Variants in POLB observed in about 807,000 individuals in gnomAD.
POLB encodes the protein 5'-dRP lyase.
POLB carries 37 observed loss-of-function variants against 52.7 expected under a neutral mutation model. That is an observed-to-expected ratio of 0.70 (90% CI 0.54 to 0.92). The LOEUF (loss-of-function observed/expected upper bound fraction) is 0.92, where lower values mean the gene tolerates loss of function less well. Ranked by LOEUF, POLB falls within the 40% of genes least tolerant of loss-of-function variation. The probability of loss-of-function intolerance (pLI) is 0.00; values close to 1 mark genes in which losing one functional copy is unlikely to be tolerated. For synonymous variants in POLB, 138 were observed against 131.3 expected, an observed-to-expected ratio of 1.05 and a Z score of -0.35; for missense variants, 313 against 400.8, an observed-to-expected ratio of 0.78 and a Z score of 1.87.
intron 3 of POLB, 22 bp from the exon 4 acceptor site, chr8:42,348,994 A>G (rs371770391): frequency 1.4e-6 from 2 of 1,424,520 alleles, no homozygotes; most frequent in Non-Finnish European, 2.0e-6. Context: ...TATGACTTTT[A>G]TATTTCTAAT....
intron 5 of POLB, 71 bp downstream of exon 5, chr8:42,350,136 A>G (rs767746911): frequency 4.3e-5 from 43 of 994,576 alleles, no homozygotes; most frequent in Non-Finnish European, 5.7e-5. Context: ...AGTAAATTAC[A>G]TGCTGTTTCT....
Position 42,348,959 on chromosome 8 carries a change from AGT to A in POLB, c.187-55_187-54del. On this transcript the variant is annotated intron_variant, in intron 3 of 13. Coordinates refer to ENST00000265421, the MANE Select transcript of POLB (RefSeq NM_002690.3). Reference sequence around the variant, plus strand: ...TTTTCTGCTTTTTACTTTATCTTTTAGTGATTTGGTAAGCATTATATTCATAT... The same window carrying A: ...TTTTCTGCTTTTTACTTTATCTTTTAGATTTGGTAAGCATTATATTCATAT... 3 of 890,676 alleles carry A rather than the reference AGT, an allele frequency of 3.4e-6. 1 individual carries two copies. The South Asian group carries it at 4.9e-5, about 14-fold the overall frequency. The allele number at this position is 890,676 out of a possible 1,614,324, so 55.2% of individuals were successfully genotyped here.
rs779394619 is a variant in POLB at position 42,369,309 on chromosome 8, A to G, written c.747A>G (p.Glu249=). Residue 249 remains glutamate, a synonymous_variant, in exon 12 of 14, where the codon GAA becomes GAG. Transcript: ENST00000265421. ...TTCCCAGTAAAAATGATGAAAAAGAATATCCACACAGAAGAATTGATATCA... is the reference window on the plus strand; with the variant it reads ...TTCCCAGTAAAAATGATGAAAAAGAGTATCCACACAGAAGAATTGATATCA... The part of the protein sequence containing the change: ...CQLPSKNDEK[E]YPHRRIDIRL... 1.3e-6 allele frequency: 2 copies of G among 1,592,476 alleles called. No homozygotes were observed. Among genetic ancestry groups the G allele is most frequent in the South Asian group, 2.2e-5 (2 of 90,180 alleles).
At chr8:42,340,149 T>C (rs555268553) in intron 2 of POLB, 5 of 152,344 alleles carry the variant, frequency 3.3e-5, no homozygotes, top group African/African-American at 1.2e-4. Flanking sequence ...TGTGAATATC[T>C]CTTGACTTCT....
At chr8:42,365,914 A>G (rs1824007217) in intron 11 of POLB, among the ~76,000 whole-genome samples, 1 of 152,130 alleles carries the variant, frequency 6.6e-6, no homozygotes, top group Non-Finnish European at 1.5e-5. Context: ...AGCCTGGCCA[A>G]CATGGTGAAA....
At chr8:42,365,252 C>T (rs1219873393) in intron 11 of POLB, among the ~76,000 whole-genome samples, 4 of 152,052 alleles carry the variant, frequency 2.6e-5, no homozygotes, top group Non-Finnish European at 4.4e-5. Flanking sequence ...TGCTTCCAAA[C>T]GAACTTTGGA....
intron 12 of POLB, 96 bp from the exon 13 acceptor site, chr8:42,369,753 C>T (rs1824262785): frequency 1.3e-6 from 1 of 760,738 alleles, no homozygotes; most frequent in South Asian, 2.0e-5. Flanking sequence ...TTAGGCTTAT[C>T]TTTGGTATTT....
At chr8:42,342,294 G>A in intron 2 of POLB, 1 of 1,535,948 alleles carries the variant, frequency 6.5e-7, no homozygotes. Flanking sequence ...TCTTGTCCAT[G>A]CCAAACCTAT....
At chr8:42,363,926 C>CT (rs766603558) in intron 11 of POLB, among the ~76,000 whole-genome samples, 43,053 of 132,304 alleles carry the variant, frequency 0.33, 9,347 homozygotes, top group African/African-American at 0.63. Flanking sequence ...AATTACGATT[C>CT]TTTTTTTTTT....
In POLB at chr8:42,352,527, C is replaced by A; in HGVS notation, c.329C>A (p.Ala110Asp). 6.2e-7 allele frequency: 1 copy of A among 1,600,524 alleles called. No homozygotes were observed. The highest frequency in any genetic ancestry group is 8.6e-7 in the Non-Finnish European group (1 of 1,167,712). The change falls in exon 6 of 14, where the codon GCT becomes GAT. Residue 110 changes from alanine to aspartate, a missense_variant. Ala to Asp is a moderately radical substitution (Grantham distance 126). This residue lies in a region of POLB where 246 missense variants were observed against 297.6 expected (regional missense o/e 0.83). Coordinates refer to ENST00000265421, the MANE Select transcript of POLB (RefSeq NM_002690.3). ...LTRVSGIGPS[A>D]ARKFVDEGIK... ...TGCTTTTGTTTTTGTAGTCCATCTG[C>A]TGCAAGGAAGTTTGTAGATGAAGGA...
intron 11 of POLB, among the ~76,000 whole-genome samples, chr8:42,367,388 G>A (rs969594432): frequency 2.0e-5 from 3 of 152,166 alleles, no homozygotes; most frequent in African/African-American, 7.2e-5. Flanking sequence ...ATGAGACTTA[G>A]GGAATGACAT....
At chr8:42,363,795 G>A (rs370864861) in intron 11 of POLB, among the ~76,000 whole-genome samples, 21 of 152,250 alleles carry the variant, frequency 1.4e-4, no homozygotes, top group East Asian at 5.8e-4. Flanking sequence ...GAATGATAAT[G>A]AGGAAAGTTG....
At chr8:42,343,369 T>TATATATATATATACAC (rs761101423) in intron 2 of POLB, among the ~76,000 whole-genome samples, 559 of 36,094 alleles carry the variant, frequency 0.015, 27 homozygotes, top group Non-Finnish European at 0.029. Flanking sequence ...TATATATATA[T>TATATATATATATACAC]ACACAAAATT....
rs926070882 is a variant in POLB, at chr8:42,371,731, T to A, written c.*74T>A. The A allele has an allele frequency of 3.5e-6, 3 of 866,796 alleles. No individual in the cohort carries two copies. Among genetic ancestry groups the A allele is most frequent in the Non-Finnish European group, 5.8e-6 (3 of 520,424 alleles). 53.7% of individuals were successfully genotyped at this position (866,796 alleles called of 1,614,324 possible). A position where few individuals can be genotyped will look rare whatever the true frequency, so the allele number is the denominator to read the frequency against. ...TTTCTTAACCTTTGCTATGTAAGGG[T>A]CTTTGGTGTTTTTAAATGATTGTTT... On this transcript the variant is annotated 3_prime_UTR_variant, in exon 14 of 14. Transcript: ENST00000265421.
At chr8:42,343,339 A>ATATATATATATATATATAT (rs1822347326) in intron 2 of POLB, among the ~76,000 whole-genome samples, 1 of 43,928 alleles carries the variant, frequency 2.3e-5, no homozygotes, top group Non-Finnish European at 8.3e-5. Context: ...AAAAAAAAAA[A>ATATATATATATATATATAT]AAAAAAATAT....
chr8:42,343,369 T>TATATATATATAC (rs761101423), intron 2 of POLB, among the ~76,000 whole-genome samples: 2 of 36,280 alleles, frequency 5.5e-5, no homozygotes, highest in Non-Finnish European at 7.4e-5. Context: ...TATATATATA[T>TATATATATATAC]ACACAAAATT....
intron 1 of POLB, 131 bp from the exon 2 acceptor site, chr8:42,338,881 G>T (rs1822018281): frequency 3.1e-6 from 3 of 962,822 alleles, no homozygotes; most frequent in Non-Finnish European, 5.0e-6. Context: ...CGCTTGGGCT[G>T]CTTTTGGTCT....
chr8:42,367,986 C>G (rs1824147421), intron 11 of POLB, among the ~76,000 whole-genome samples: 1 of 152,194 alleles, frequency 6.6e-6, no homozygotes, highest in African/African-American at 2.4e-5. Context: ...ATTTCCGACA[C>G]TCAGTATGAA....
At chr8:42,350,477 A>G (rs545130702) in intron 5 of POLB, among the ~76,000 whole-genome samples, 8 of 152,168 alleles carry the variant, frequency 5.3e-5, no homozygotes, top group African/African-American at 7.2e-5. Context: ...CAGGGTTGCT[A>G]TGTTGCCCAT....
Sources: allele counts gnomAD v4.1 joint callset (sites outside exome capture counted in the v4.1 genomes callset), GRCh38; gene constraint gnomAD v4.1.1; regional missense constraint gnomAD v4.1.1; transcripts MANE v1.5; gene names NCBI Gene and HGNC (gene_info 2026-07-23, HGNC 2026-07-21).